The following BMERB1 variants were observed in gnomAD, a reference collection of about 807,000 sequenced individuals.
BMERB1 encodes the protein bMERB domain containing 1.
BMERB1 carries 12 observed loss-of-function variants against 23.6 expected under a neutral mutation model. That is an observed-to-expected ratio of 0.51 (90% CI 0.33 to 0.82). The LOEUF (loss-of-function observed/expected upper bound fraction) is 0.82, where lower values mean the gene tolerates loss of function less well. BMERB1 is among the 40% of genes least tolerant of loss of function. The pLI is 0.03. For missense variants in BMERB1, 247 were observed against 255.4 expected, an observed-to-expected ratio of 0.97 and a Z score of 0.22; for synonymous variants, 122 against 96.6, an observed-to-expected ratio of 1.26 and a Z score of -1.54.
intron 2 of BMERB1, among the ~76,000 whole-genome samples, chr16:15,558,882 C>T (rs1464873273): frequency 2.0e-5 from 3 of 151,596 alleles, no homozygotes; most frequent in South Asian, 2.1e-4. Context: ...GAGCTTAGGA[C>T]CAGGACAGGG....
intron 2 of BMERB1, among the ~76,000 whole-genome samples, chr16:15,541,581 A>G (rs1371704914): frequency 6.8e-6 from 1 of 147,032 alleles, no homozygotes; most frequent in Non-Finnish European, 1.5e-5. Flanking sequence ...GGGTGCCAAC[A>G]TGCCTGGCTA....
intron 2 of BMERB1, among the ~76,000 whole-genome samples, chr16:15,520,821 C>T (rs1285108884): frequency 1.3e-5 from 2 of 152,122 alleles, no homozygotes; most frequent in Non-Finnish European, 2.9e-5. Flanking sequence ...CAGAAGTTGA[C>T]CTTTCTGATC....
intron 2 of BMERB1, among the ~76,000 whole-genome samples, chr16:15,567,476 C>T (rs974519370): frequency 3.3e-5 from 5 of 152,110 alleles, no homozygotes; most frequent in East Asian, 1.9e-4. Flanking sequence ...GGCCAGGCAC[C>T]GCGGCTTATG....
At chr16:15,538,543 A>G (rs546206752) in intron 2 of BMERB1, among the ~76,000 whole-genome samples, 21 of 152,270 alleles carry the variant, frequency 1.4e-4, no homozygotes, top group South Asian at 4.1e-4. Flanking sequence ...CATGTCTTCA[A>G]TGCTCATGCT....
intron 1 of BMERB1, among the ~76,000 whole-genome samples, chr16:15,499,403 A>G (rs1287569051): frequency 2.0e-5 from 3 of 152,150 alleles, no homozygotes; most frequent in Non-Finnish European, 4.4e-5. Flanking sequence ...ATCTAAAAAA[A>G]TAAAAATAAA....
intron 2 of BMERB1, among the ~76,000 whole-genome samples, chr16:15,561,414 A>T (rs1470061441): frequency 6.6e-6 from 1 of 151,506 alleles, no homozygotes; most frequent in African/African-American, 2.4e-5. Context: ...GATTACAGGC[A>T]TGTGCCACCA....
chr16:15,544,854 G>T (rs1477355269), intron 2 of BMERB1, among the ~76,000 whole-genome samples: 3 of 152,162 alleles, frequency 2.0e-5, no homozygotes, highest in Admixed American at 2.0e-4. Flanking sequence ...AAAGAATTAG[G>T]AAGACACTCT....
intron 1 of BMERB1, among the ~76,000 whole-genome samples, chr16:15,445,840 C>CT (rs1392187286): frequency 6.6e-6 from 1 of 152,098 alleles, no homozygotes; most frequent in East Asian, 1.9e-4. Flanking sequence ...TTCATAGCAG[C>CT]TTTTTTAGGA....
At position 15,515,390 on chromosome 16, in the gene BMERB1, G is replaced by C; in HGVS notation, c.192G>C (p.Arg64=). ...AGATGGCAAAAATTCAGCGTCTCCG[G>C]GAAGTCTTGGTCCGCCGGGAGTCTG... The part of the protein sequence containing the change: ...ELEMAKIQRL[R]EVLVRRESEL... Residue 64 remains arginine (R), a synonymous_variant, in exon 2 of 6, where the codon CGG becomes CGC. Coordinates refer to ENST00000300006, the MANE Select transcript of BMERB1 (RefSeq NM_033201.3). The C allele has an allele frequency of 1.2e-6, 2 of 1,614,014 alleles. No individual in the cohort carries two copies. The highest frequency in any genetic ancestry group is 1.7e-6 in the Non-Finnish European group (2 of 1,180,018).
intron 1 of BMERB1, among the ~76,000 whole-genome samples, chr16:15,489,389 C>T (rs1419322186): frequency 1.3e-5 from 2 of 152,074 alleles, no homozygotes; most frequent in Admixed American, 6.5e-5. Flanking sequence ...ATTGCTGTTC[C>T]TACCCCCTCT....
intron 1 of BMERB1, among the ~76,000 whole-genome samples, chr16:15,474,119 CAA>C (rs71152434): frequency 0.015 from 1,344 of 91,524 alleles, 8 homozygotes; most frequent in Non-Finnish European, 0.023. Flanking sequence ...GACTCTGTCT[CAA>C]AAAAAAAAAA....
intron 2 of BMERB1, among the ~76,000 whole-genome samples, chr16:15,556,318 C>T (rs1490770932): frequency 6.6e-6 from 1 of 152,080 alleles, no homozygotes; most frequent in East Asian, 1.9e-4. Context: ...TCCTACACAC[C>T]CACACTGCCT....
At chr16:15,564,083 T>C (rs536385233) in intron 2 of BMERB1, among the ~76,000 whole-genome samples, 130 of 152,324 alleles carry the variant, frequency 8.5e-4, no homozygotes, top group Non-Finnish European at 1.5e-3. Context: ...CCTTTCACCT[T>C]CTATGAATGT....
chr16:15,570,886 TC>T (rs1464334446), intron 3 of BMERB1, among the ~76,000 whole-genome samples: 1 of 151,986 alleles, frequency 6.6e-6, no homozygotes, highest in Non-Finnish European at 1.5e-5. Flanking sequence ...TTGTAAACTG[TC>T]ATGGCACTGA....
intron 1 of BMERB1, among the ~76,000 whole-genome samples, chr16:15,436,499 T>TGGCC (rs2050889420): frequency 3.3e-5 from 5 of 152,122 alleles, no homozygotes; most frequent in African/African-American, 1.2e-4. Flanking sequence ...CCTCAGGTGA[T>TGGCC]CGGCCTGCCC....
chr16:15,537,641 A>T lies in BMERB1; in HGVS notation c.230+22213A>T. On this transcript the variant is annotated intron_variant, in intron 2 of 5. Coordinates refer to ENST00000300006, the MANE Select transcript of BMERB1 (RefSeq NM_033201.3). ...AGTGCTGGGATTACAGGCATGAGCC[A>T]CCATGCCCGGCCGAGAAATATATAT... Among the ~76,000 whole-genome samples, 2 of 151,296 alleles carry T rather than the reference A, an allele frequency of 1.3e-5. 1 individual carries two copies. Among genetic ancestry groups the T allele is most frequent in the Non-Finnish European group, 2.9e-5 (2 of 67,904 alleles).
intron 5 of BMERB1, among the ~76,000 whole-genome samples, chr16:15,583,468 C>T (rs2031067008): frequency 6.6e-6 from 1 of 151,304 alleles, no homozygotes; most frequent in African/African-American, 2.4e-5. Flanking sequence ...ATCCCAGCTA[C>T]TCGAGAGGCT....
At position 15,434,775 on chromosome 16, in the gene BMERB1, G is replaced by T; in HGVS notation, c.106+16G>T. 5.6e-6 allele frequency: 3 copies of T among 531,492 alleles called. No homozygotes were observed. Among genetic ancestry groups the T allele is most frequent in the East Asian group, 4.1e-5 (1 of 24,180 alleles). 32.9% of individuals were successfully genotyped at this position (531,492 alleles called of 1,614,324 possible). ...CTGGGGAGAAGTGAGTACTGGGGCG[G>T]GGGGCGGGGGGCCGGGGACAGCTGG... On this transcript the variant is annotated intron_variant, in intron 1 of 5. Coordinates refer to ENST00000300006, the MANE Select transcript of BMERB1 (RefSeq NM_033201.3).
chr16:15,480,815 T>C (rs1349280533), intron 1 of BMERB1, among the ~76,000 whole-genome samples: 2 of 151,942 alleles, frequency 1.3e-5, no homozygotes, highest in Admixed American at 1.3e-4. Context: ...GTTTTCACCA[T>C]GTTGGCCAGG....
Sources: allele counts gnomAD v4.1 joint callset (sites outside exome capture counted in the v4.1 genomes callset), GRCh38; gene constraint gnomAD v4.1.1; transcripts MANE v1.5; gene names NCBI Gene and HGNC (gene_info 2026-07-23, HGNC 2026-07-21).